ZFP91: variants seen among roughly 807,000 people sequenced by gnomAD.
ZFP91 encodes E3 ubiquitin-protein ligase ZFP91.
Under a neutral mutation model 63.5 loss-of-function variants are expected in ZFP91, and 7 were observed. The observed-to-expected ratio is 0.11, with a 90% CI of 0.06 to 0.21. ZFP91 has a LOEUF of 0.21. ZFP91 is among the 10% of genes least tolerant of loss of function. ZFP91 has a pLI of 1.00. For synonymous variants in ZFP91, 330 were observed against 272.1 expected (o/e 1.21, Z -2.10); for missense variants, 628 against 736.6 (o/e 0.85, Z 1.71).
chr11:58,579,458 C>CGCTGCG lies in ZFP91; in HGVS notation c.180_185dup (p.Ala66_Ala67dup). On this transcript the variant is annotated inframe_insertion, in exon 1 of 11. Transcript: ENST00000316059. ...GGGGAGGTCGGGACCGAGGCCGGGC[C>CGCTGCG]GCTGCGGCCGCCGCCGCCGCAGCTG... is the stretch of plus-strand genomic sequence containing the variant. 7.6e-6 allele frequency: 11 copies of CGCTGCG among 1,454,798 alleles called. No homozygotes were observed. The highest frequency in any genetic ancestry group is 9.0e-6 in the Non-Finnish European group (10 of 1,112,492). The allele number at this position is 1,454,798 out of a possible 1,614,324, so 90.1% of individuals were successfully genotyped here.
chr11:58,604,553 A>G (rs913342585), intron 2 of ZFP91, among the ~76,000 whole-genome samples: 15 of 152,160 alleles, frequency 9.9e-5, no homozygotes, highest in African/African-American at 1.7e-4. Context: ...ACATTATTTC[A>G]GCTCTCTCTT....
At position 58,620,916 on chromosome 11, in the gene ZFP91, G is replaced by T; in HGVS notation, c.*3210G>T. 1 of 152,650 alleles carries T rather than the reference G, an allele frequency of 6.6e-6. No homozygotes were observed. The allele number at this position is 152,650 out of a possible 1,614,324, so 9.5% of individuals were successfully genotyped here. A position where few individuals can be genotyped will look rare whatever the true frequency, so the allele number is the denominator to read the frequency against. On this transcript the variant is annotated 3_prime_UTR_variant, in exon 11 of 11. Coordinates refer to ENST00000316059, the MANE Select transcript of ZFP91 (RefSeq NM_053023.5). ...AGTTACCTGAATATAGGTTGAAAAG[G>T]TTATGTAAAAAGAAATTATAATAAA...
rs1855811592 is a variant in ZFP91, at chr11:58,619,529, A to AT, written c.*1829dup. On this transcript the variant is annotated 3_prime_UTR_variant, in exon 11 of 11. Transcript: ENST00000316059. The stretch of plus-strand genomic sequence containing the variant: ...TGTGTTTCACAAACATGGCTTATCA[A>AT]TTTTTTCAAAGAATTCTTTTTTCCC... The AT allele has an allele frequency of 6.6e-6, 1 of 152,566 alleles. No individual in the cohort carries two copies. The highest frequency in any genetic ancestry group is 1.5e-5 in the Non-Finnish European group (1 of 68,024). The allele number at this position is 152,566 out of a possible 1,614,324, so 9.5% of individuals were successfully genotyped here.
At chr11:58,580,644 A>T (rs764107107) in intron 1 of ZFP91, among the ~76,000 whole-genome samples, 1 of 152,224 alleles carries the variant, frequency 6.6e-6, no homozygotes, top group Non-Finnish European at 1.5e-5. Flanking sequence ...AATAGATTTA[A>T]AACTTGAAAC....
At chr11:58,595,785 G>A (rs958509457) in intron 2 of ZFP91, among the ~76,000 whole-genome samples, 7 of 151,776 alleles carry the variant, frequency 4.6e-5, no homozygotes, top group South Asian at 2.1e-4. Context: ...TCATGTTGGC[G>A]AGGCTGGTCT....
intron 9 of ZFP91, among the ~76,000 whole-genome samples, chr11:58,615,391 C>T (rs1373358075): frequency 6.7e-6 from 1 of 150,246 alleles, no homozygotes; most frequent in Non-Finnish European, 1.5e-5. Context: ...TTGTTTCTGA[C>T]AGCCACTTTA....
chr11:58,596,537 G>A (rs1855406859), intron 2 of ZFP91, among the ~76,000 whole-genome samples: 1 of 152,088 alleles, frequency 6.6e-6, no homozygotes, highest in East Asian at 1.9e-4. Flanking sequence ...TTGTTTTCTG[G>A]CATTGCTGCT....
Position 58,609,835 on chromosome 11 carries a change from A to C in ZFP91, c.376A>C (p.Lys126Gln). Residue 126 changes from lysine to glutamine, a missense_variant, in exon 3 of 11, where the codon AAG becomes CAG. Lys to Gln is a moderately conservative substitution (Grantham distance 53). This residue lies in a region of ZFP91 where 437 missense variants were observed against 380.3 expected (regional missense o/e 1.15). Coordinates refer to ENST00000316059, the MANE Select transcript of ZFP91 (RefSeq NM_053023.5). The stretch of plus-strand genomic sequence containing the variant: ...TGGTATGTCTTTTTATTTAGATCCC[A>C]AGGAAGAAAAAGAGGAAGAAGACGA... ...IEKVTTDKDP[K>Q]EEKEEEDDSA... is the part of the protein sequence containing the mutation. 6.2e-7 allele frequency: 1 copy of C among 1,614,038 alleles called. No homozygotes were observed. The highest frequency in any genetic ancestry group is 1.1e-5 in the South Asian group (1 of 91,090).
intron 2 of ZFP91, among the ~76,000 whole-genome samples, chr11:58,603,347 G>T (rs1208259215): frequency 6.6e-6 from 1 of 152,204 alleles, no homozygotes; most frequent in Non-Finnish European, 1.5e-5. Context: ...TGTCCAAATA[G>T]TGTATTGTGG....
At chr11:58,584,788 AAG>A (rs1389276564) in intron 1 of ZFP91, 66 bp from the exon 2 acceptor site, 8 of 1,385,924 alleles carry the variant, frequency 5.8e-6, no homozygotes, top group Non-Finnish European at 4.9e-6. Context: ...GTGAACCTGA[AAG>A]AGATATTTAT....
At chr11:58,600,206 T>C (rs1033073537) in intron 2 of ZFP91, among the ~76,000 whole-genome samples, 1 of 152,042 alleles carries the variant, frequency 6.6e-6, no homozygotes, top group African/African-American at 2.4e-5. Flanking sequence ...TAGGATTGGG[T>C]TGTCAATTTC....
chr11:58,587,097 C>A (rs1855223216), intron 2 of ZFP91, among the ~76,000 whole-genome samples: 1 of 151,532 alleles, frequency 6.6e-6, no homozygotes, highest in Admixed American at 6.6e-5. Context: ...AAAGTTGCAA[C>A]TTAAAAAAAA....
intron 2 of ZFP91, among the ~76,000 whole-genome samples, chr11:58,601,958 A>G (rs367908650): frequency 9.4e-4 from 143 of 152,034 alleles, no homozygotes; most frequent in African/African-American, 3.2e-3. Flanking sequence ...GTCTCGTTCT[A>G]TCGCCCAGGC....
intron 2 of ZFP91, among the ~76,000 whole-genome samples, chr11:58,597,015 C>T (rs1399355477): frequency 1.3e-5 from 2 of 152,148 alleles, no homozygotes; most frequent in Non-Finnish European, 2.9e-5. Context: ...ACCACTTCAA[C>T]ACCTTTGATG....
In ZFP91 at chr11:58,609,908, G is replaced by A. The variant is rs371090648; in HGVS notation, c.449G>A (p.Arg150Gln). 86 of 1,613,992 alleles carry A rather than the reference G, an allele frequency of 5.3e-5. No individual in the cohort carries two copies. Among genetic ancestry groups the A allele is most frequent in the Middle Eastern group, 1.6e-4 (1 of 6,084 alleles). ...EVSIAASRPSRGWRSSRTSVS... is the reference protein window; with the variant it reads ...EVSIAASRPSQGWRSSRTSVS... Reference sequence around the variant, plus strand: ...TCCATTGCTGCATCTAGACCTAGCCGGGGCTGGCGTAGTAGTAGGACATCT... The same window carrying A: ...TCCATTGCTGCATCTAGACCTAGCCAGGGCTGGCGTAGTAGTAGGACATCT... Residue 150 changes from arginine to glutamine, a missense_variant, in exon 3 of 11, where the codon CGG becomes CAG. Physicochemically the swap from Arg to Gln is conservative, Grantham distance 43 (BLOSUM62 1). This residue lies in a region of ZFP91 where 437 missense variants were observed against 380.3 expected (regional missense o/e 1.15). Transcript: ENST00000316059.
At chr11:58,615,524 C>CT (rs767142181) in intron 9 of ZFP91, among the ~76,000 whole-genome samples, 4 of 152,040 alleles carry the variant, frequency 2.6e-5, no homozygotes, top group Admixed American at 1.3e-4. Flanking sequence ...TATATACAGA[C>CT]TTTTTTTTGC....
intron 6 of ZFP91, chr11:58,611,974 T>G (rs1855672453): frequency 1.8e-6 from 1 of 541,050 alleles, no homozygotes; most frequent in South Asian, 3.2e-5. Flanking sequence ...TCTTAGTGTT[T>G]TTAGATGATA....
chr11:58,617,889 G>C lies in ZFP91; in HGVS notation c.*183G>C. On this transcript the variant is annotated 3_prime_UTR_variant, in exon 11 of 11. Transcript: ENST00000316059. The surrounding 1 kb of genome is among the most constrained non-coding windows in gnomAD (Gnocchi z 4.2). ...CCTCCCCATCCCCTGTTCTCCCTCT[G>C]TTGCTCCCCTTATAAAATTGATGTT... is the stretch of plus-strand genomic sequence containing the variant. 1.4e-6 allele frequency: 1 copy of C among 712,806 alleles called. No individual in the cohort carries two copies. The highest frequency in any genetic ancestry group is 2.0e-6 in the Non-Finnish European group (1 of 509,788). 44.2% of individuals were successfully genotyped at this position (712,806 alleles called of 1,614,324 possible).
chr11:58,579,551 C>A lies in ZFP91; in HGVS notation c.270C>A (p.Asp90Glu), dbSNP rs764995082. Reference sequence around the variant, plus strand: ...GCAGCCCCAGCGCCAGGCCTCCCGACGTCCCCGGGCAGCAGCCCCAGGCCG... The same window carrying A: ...GCAGCCCCAGCGCCAGGCCTCCCGAAGTCCCCGGGCAGCAGCCCCAGGCCG... Reference protein sequence around the residue: ...RRSSPSARPPDVPGQQPQAAK... With the variant: ...RRSSPSARPPEVPGQQPQAAK... Residue 90 changes from aspartate (D) to glutamate (E), a missense_variant, in exon 1 of 11, where the codon GAC (aspartate) becomes GAA (glutamate). By Grantham distance (45) the Asp-to-Glu change is conservative. Coordinates refer to ENST00000316059, the MANE Select transcript of ZFP91 (RefSeq NM_053023.5). 6 of 1,582,576 alleles carry A rather than the reference C, an allele frequency of 3.8e-6. No homozygotes were observed. Among genetic ancestry groups the A allele is most frequent in the Non-Finnish European group, 5.1e-6 (6 of 1,168,228 alleles).
Sources: allele counts gnomAD v4.1 joint callset (sites outside exome capture counted in the v4.1 genomes callset), GRCh38; gene constraint gnomAD v4.1.1; regional missense constraint gnomAD v4.1.1; non-coding constraint Gnocchi (gnomAD v3.1); transcripts MANE v1.5; gene names NCBI Gene and HGNC (gene_info 2026-07-23, HGNC 2026-07-21).